Variants in CCDC50 observed in about 807,000 individuals in gnomAD.
The protein encoded by CCDC50 is coiled-coil domain-containing protein 50.
A neutral mutation model predicts 70.2 loss-of-function variants in CCDC50; 54 were observed. The ratio of observed to expected loss-of-function variants is 0.77; its 90% confidence interval spans 0.62 to 0.96. CCDC50 has a LOEUF of 0.96. Among genes scored for constraint, CCDC50 ranks in the 50% least tolerant of loss-of-function variants. CCDC50 has a pLI of 0.00. For missense variants in CCDC50, 558 were observed against 578.7 expected, an observed-to-expected ratio of 0.96 and a Z score of 0.37; for synonymous variants, 216 against 198.8, an observed-to-expected ratio of 1.09 and a Z score of -0.73.
chr3:191,345,206 G>A (rs1711870050), intron 1 of CCDC50, among the ~76,000 whole-genome samples: 1 of 152,124 alleles, frequency 6.6e-6, no homozygotes, highest in Admixed American at 6.5e-5. Flanking sequence ...CTTTTCTTGG[G>A]TAGCTTCTGT....
At chr3:191,370,183 C>G in intron 5 of CCDC50, 147 bp downstream of exon 5, 1 of 671,708 alleles carries the variant, frequency 1.5e-6, no homozygotes, top group Non-Finnish European at 2.7e-6. Flanking sequence ...TGGCAGGATT[C>G]TATTTGAATC....
At chr3:191,340,924 CTCCTGGGCTCAAGT>C (rs1197895343) in intron 1 of CCDC50, among the ~76,000 whole-genome samples, 1 of 152,184 alleles carries the variant, frequency 6.6e-6, no homozygotes, top group Non-Finnish European at 1.5e-5. Flanking sequence ...TGGCCTCAAG[CTCCTGGGCTCAAGT>C]GATCCTTCTG....
chr3:191,339,606 T>G (rs1226976710), intron 1 of CCDC50, among the ~76,000 whole-genome samples: 1 of 152,174 alleles, frequency 6.6e-6, no homozygotes, highest in Non-Finnish European at 1.5e-5. Flanking sequence ...GCGTTGCAGA[T>G]GAACATAAAA....
intron 10 of CCDC50, among the ~76,000 whole-genome samples, chr3:191,386,818 A>G (rs1315209027): frequency 6.6e-6 from 1 of 152,200 alleles, no homozygotes; most frequent in Non-Finnish European, 1.5e-5. Flanking sequence ...CTGTTGAAAG[A>G]AGTTTTCTAC....
At chr3:191,364,760 T>C (rs577273773) in intron 4 of CCDC50, among the ~76,000 whole-genome samples, 37 of 152,026 alleles carry the variant, frequency 2.4e-4, no homozygotes, top group Non-Finnish European at 4.6e-4. Context: ...GACACAGATG[T>C]GGAAAAGTTG....
chr3:191,376,289 C>T (rs1713110103), intron 6 of CCDC50, among the ~76,000 whole-genome samples: 1 of 152,146 alleles, frequency 6.6e-6, no homozygotes, highest in Non-Finnish European at 1.5e-5. Flanking sequence ...GTAACTTTCT[C>T]CAGCTCTAAC....
intron 11 of CCDC50, 64 bp downstream of exon 11, chr3:191,389,666 T>C: frequency 8.0e-7 from 1 of 1,248,050 alleles, no homozygotes; most frequent in South Asian, 1.2e-5. Flanking sequence ...CGTGTTGTAG[T>C]GGAAAAATCA....
At chr3:191,381,931 T>C (rs1473973307) in intron 9 of CCDC50, among the ~76,000 whole-genome samples, 1 of 152,156 alleles carries the variant, frequency 6.6e-6, no homozygotes, top group Admixed American at 6.5e-5. Flanking sequence ...TTCCTGTTGC[T>C]CAGTTACCCA....
At chr3:191,364,414 TG>T (rs1445658294) in intron 4 of CCDC50, among the ~76,000 whole-genome samples, 1 of 151,714 alleles carries the variant, frequency 6.6e-6, no homozygotes, top group African/African-American at 2.4e-5. Flanking sequence ...TCTGCTTCCC[TG>T]TAGAGTCTAC....
At chr3:191,359,430 G>T (rs1230797091) in intron 3 of CCDC50, among the ~76,000 whole-genome samples, 1 of 152,186 alleles carries the variant, frequency 6.6e-6, no homozygotes, top group Non-Finnish European at 1.5e-5. Flanking sequence ...GATCAAAAGG[G>T]TCACGATAAG....
At position 191,375,272 on chromosome 3, in the gene CCDC50, A is replaced by G. The variant is rs1713058772; in HGVS notation, c.659A>G (p.Asn220Ser). 22 of 1,613,712 alleles carry G rather than the reference A, an allele frequency of 1.4e-5. No homozygotes were observed. Among genetic ancestry groups the G allele is most frequent in the East Asian group, 4.5e-5 (2 of 44,854 alleles). ...GKGRDNPHIN[N>S]EQHERKRSTQ... Reference sequence around the variant, plus strand: ...GGGAGGGACAATCCCCATATTAACAATGAGCAGCATGAAAGGAAACGGTCC... The same window carrying G: ...GGGAGGGACAATCCCCATATTAACAGTGAGCAGCATGAAAGGAAACGGTCC... Residue 220 changes from asparagine to serine, a missense_variant, in exon 6 of 12, where the codon AAT (asparagine) becomes AGT (serine). Transcript: ENST00000392455.
intron 11 of CCDC50, 43 bp downstream of exon 11, chr3:191,389,645 T>C: frequency 2.1e-6 from 3 of 1,415,960 alleles, no homozygotes; most frequent in Non-Finnish European, 3.0e-6. Context: ...CTTCTTTTTT[T>C]ATATAAGCCT....
At position 191,387,965 on chromosome 3, in the gene CCDC50, G is replaced by C. The variant is rs989372962; in HGVS notation, c.1323-1531G>C. Among the ~76,000 whole-genome samples the C allele has an allele frequency of 4.2e-5, 6 of 143,658 alleles. No homozygotes were observed. In the South Asian group the frequency reaches 1.2e-3, roughly 28 times the overall value. The allele number at this position is 143,658 out of a possible 152,430, so 94.2% of individuals were successfully genotyped here. A position where few individuals can be genotyped will look rare whatever the true frequency, so the allele number is the denominator to read the frequency against. On this transcript the variant is annotated intron_variant, in intron 10 of 11. Coordinates refer to ENST00000392455, the MANE Select transcript of CCDC50 (RefSeq NM_178335.3). ...TTTGAAGCTAAGTTCTTTAATCCTA[G>C]AGTCAGACTGATTTGTCTTAATTTT... is the stretch of plus-strand genomic sequence containing the variant.
Position 191,329,523 on chromosome 3 carries a change from G to T in CCDC50, c.-152G>T. 1.5e-6 allele frequency: 1 copy of T among 667,426 alleles called. No individual in the cohort carries two copies. The highest frequency in any genetic ancestry group is 2.4e-6 in the Non-Finnish European group (1 of 423,788). 41.3% of individuals were successfully genotyped at this position (667,426 alleles called of 1,614,324 possible). On this transcript the variant is annotated 5_prime_UTR_variant, in exon 1 of 12. Transcript: ENST00000392455. ...CCCGCTGCTTTGGTCACCAGCCCCT[G>T]CCCGCCCGACCCGCTCCGTTCTCCG... is the stretch of plus-strand genomic sequence containing the variant.
chr3:191,329,848 T>C (rs1576942461), intron 1 of CCDC50, 125 bp downstream of exon 1: 1 of 814,792 alleles, frequency 1.2e-6, no homozygotes, highest in South Asian at 1.6e-5. Context: ...GCGTTGGCCT[T>C]GCCCGGACGT....
chr3:191,349,966 A>ACCACCC (rs1712049614), intron 1 of CCDC50, among the ~76,000 whole-genome samples: 1 of 105,622 alleles, frequency 9.5e-6, no homozygotes, highest in Non-Finnish European at 2.2e-5. Flanking sequence ...ATTTAATAAT[A>ACCACCC]CCCCCCCCCT....
intron 4 of CCDC50, among the ~76,000 whole-genome samples, chr3:191,363,541 T>C (rs749569911): frequency 2.0e-5 from 3 of 152,226 alleles, no homozygotes; most frequent in Non-Finnish European, 2.9e-5. Flanking sequence ...TTGGGGCACC[T>C]GGTACATGTT....
intron 5 of CCDC50, among the ~76,000 whole-genome samples, chr3:191,371,272 G>A (rs1227267816): frequency 6.6e-6 from 1 of 152,134 alleles, no homozygotes; most frequent in African/African-American, 2.4e-5. Context: ...TGGTGATGGT[G>A]TGGTGGTGGC....
At chr3:191,364,825 C>T (rs764076523) in intron 4 of CCDC50, among the ~76,000 whole-genome samples, 7 of 152,080 alleles carry the variant, frequency 4.6e-5, no homozygotes, top group Middle Eastern at 3.4e-3. Context: ...CACCTTCCCT[C>T]CCTTCATTCC....
Sources: allele counts gnomAD v4.1 joint callset (sites outside exome capture counted in the v4.1 genomes callset), GRCh38; gene constraint gnomAD v4.1.1; transcripts MANE v1.5; gene names NCBI Gene and HGNC (gene_info 2026-07-23, HGNC 2026-07-21).